NDE1: variants seen among roughly 807,000 people sequenced by gnomAD.
NDE1 encodes the protein nudE neurodevelopment protein 1.
In NDE1, 28 loss-of-function variants were observed where a neutral mutation model predicts 43.4. The observed-to-expected ratio is 0.65, with a 90% CI of 0.48 to 0.89. The LOEUF is 0.89. NDE1 is among the 40% of genes least tolerant of loss of function. The pLI is 0.00. For synonymous variants in NDE1, 184 were observed against 172.0 expected (o/e 1.07, Z -0.55); for missense variants, 441 against 434.1 (o/e 1.02, Z -0.14).
At chr16:15,643,724 C>T (rs1316820232) in exon 1 of NDE1, 1 of 216,624 alleles carries the variant, frequency 4.6e-6, no homozygotes, top group Non-Finnish European at 9.3e-6. Context: ...TACGAGGTCC[C>T]CCGGAGTTCT....
chr16:15,691,731 C>T (rs1343778946), intron 6 of NDE1, among the ~76,000 whole-genome samples: 1 of 150,782 alleles, frequency 6.6e-6, no homozygotes, highest in South Asian at 2.1e-4. Flanking sequence ...ACCTCTTCAT[C>T]GTGGGCTCAA....
At chr16:15,684,954 C>T (rs968762259) in intron 4 of NDE1, among the ~76,000 whole-genome samples, 2 of 152,198 alleles carry the variant, frequency 1.3e-5, no homozygotes, top group Admixed American at 6.6e-5. Flanking sequence ...CAGAGTTCCT[C>T]TGATCATTCT....
At chr16:15,704,062 T>C in intron 8 of NDE1, 1 of 1,614,156 alleles carries the variant, frequency 6.2e-7, no homozygotes. Context: ...CCATCTGCAT[T>C]TTCAATAACT....
At chr16:15,677,321 C>A (rs2037934330) in intron 3 of NDE1, among the ~76,000 whole-genome samples, 1 of 152,018 alleles carries the variant, frequency 6.6e-6, no homozygotes. Context: ...CAGTGGCTCA[C>A]ACCTGTAATC....
rs2039036107 is a variant in NDE1 at position 15,696,810 on chromosome 16, T to C, written c.897T>C (p.Asp299=). The change falls in exon 8 of 9, where the codon GAT becomes GAC. Residue 299 remains aspartate, a synonymous_variant. Transcript: ENST00000396354. ...PASGRSSKNR[D]GGERRPSSTS... is the part of the protein sequence containing the mutation. ...CTGGGCGGAGCAGCAAGAACAGAGATGGCGGGGAGAGACGGCCAAGCAGCA... is the reference window on the plus strand; with the variant it reads ...CTGGGCGGAGCAGCAAGAACAGAGACGGCGGGGAGAGACGGCCAAGCAGCA... The C allele has an allele frequency of 6.2e-7, 1 of 1,614,152 alleles. No individual in the cohort carries two copies. The highest frequency in any genetic ancestry group is 2.2e-5 in the East Asian group (1 of 44,878).
chr16:15,700,118 A>G (rs992400595), intron 8 of NDE1: 1 of 1,113,700 alleles, frequency 9.0e-7, no homozygotes, highest in African/African-American at 1.7e-5. Context: ...TGTTTTTGAG[A>G]TAGAGTCTTG....
chr16:15,697,116 A>T, intron 8 of NDE1: 2 of 956,908 alleles, frequency 2.1e-6, no homozygotes, highest in Non-Finnish European at 2.5e-6. Flanking sequence ...TGGCAGGATC[A>T]TGGCTCACCC....
At position 15,667,307 on chromosome 16, in the gene NDE1, A is replaced by T. The variant is rs764515142; in HGVS notation, c.105A>T (p.Glu35Asp). The change falls in exon 3 of 9, where the codon GAA becomes GAT. Residue 35 changes from glutamate to aspartate, a missense_variant. Physicochemically the swap from Glu to Asp is conservative, Grantham distance 45. Transcript: ENST00000396354. ...GTAGGGCAGAAAATACGCAAGAGGA[A>T]CTCCGAGAATTCCAGGAGGGAAGCC... The part of the protein sequence containing the change: ...YKQRAENTQE[E>D]LREFQEGSRE... 9 of 1,613,970 alleles carry T rather than the reference A, an allele frequency of 5.6e-6. No homozygotes were observed. Among genetic ancestry groups the T allele is most frequent in the East Asian group, 2.2e-5 (1 of 44,886 alleles).
intron 8 of NDE1, among the ~76,000 whole-genome samples, chr16:15,704,758 T>G (rs1319075012): frequency 1.3e-5 from 2 of 152,230 alleles, no homozygotes; most frequent in Non-Finnish European, 2.9e-5. Context: ...GCATCTGTTT[T>G]GCTGATCGTG....
At chr16:15,682,521 A>C (rs958981241) in intron 4 of NDE1, among the ~76,000 whole-genome samples, 2 of 152,212 alleles carry the variant, frequency 1.3e-5, no homozygotes, top group African/African-American at 2.4e-5. Context: ...CCTCAAACGA[A>C]ACTACTCACT....
intron 8 of NDE1, among the ~76,000 whole-genome samples, chr16:15,723,521 C>G (rs549126307): frequency 1.3e-5 from 2 of 152,242 alleles, no homozygotes; most frequent in East Asian, 3.9e-4. Context: ...GTGGTGTGCT[C>G]CTATAATCCC....
chr16:15,676,396 G>C (rs2037882277), intron 3 of NDE1, among the ~76,000 whole-genome samples: 1 of 151,796 alleles, frequency 6.6e-6, no homozygotes, highest in Non-Finnish European at 1.5e-5. Flanking sequence ...ATTTTTAGTA[G>C]AGTCCAGATT....
intron 8 of NDE1, among the ~76,000 whole-genome samples, chr16:15,716,186 G>T (rs1321590561): frequency 6.6e-6 from 1 of 152,098 alleles, no homozygotes. Context: ...ACCTACCTCA[G>T]CCTCCCAAAG....
intron 8 of NDE1, chr16:15,717,691 G>T: frequency 2.6e-6 from 1 of 391,712 alleles, no homozygotes; most frequent in Non-Finnish European, 4.7e-6. Flanking sequence ...AGCTACTTGG[G>T]AGGTTGAAGC....
intron 8 of NDE1, chr16:15,715,247 G>A (rs1426209838): frequency 6.2e-7 from 1 of 1,613,974 alleles, no homozygotes; most frequent in East Asian, 2.2e-5. Flanking sequence ...TTCTGCTTCA[G>A]CGACTTGGTG....
chr16:15,699,882 T>C (rs1465183320), intron 8 of NDE1: 1 of 1,298,252 alleles, frequency 7.7e-7, no homozygotes, highest in Non-Finnish European at 1.0e-6. Flanking sequence ...TTTTGTCGTC[T>C]TTTTACACTA....
intron 8 of NDE1, chr16:15,708,682 T>C: frequency 2.9e-6 from 3 of 1,037,448 alleles, no homozygotes; most frequent in Non-Finnish European, 4.4e-6. Flanking sequence ...CCTCCAGATT[T>C]TGCAAGAATC....
intron 4 of NDE1, among the ~76,000 whole-genome samples, chr16:15,680,678 T>A (rs1438306139): frequency 2.6e-5 from 4 of 152,100 alleles, no homozygotes; most frequent in African/African-American, 7.2e-5. Flanking sequence ...TAGCTGGGAT[T>A]ACAGGCGCCC....
chr16:15,713,246 G>C (rs2039921828), intron 8 of NDE1: 1 of 151,896 alleles, frequency 6.6e-6, no homozygotes, highest in Admixed American at 6.6e-5. Flanking sequence ...GTTCAGCATA[G>C]AAATGGAAAA....
Sources: allele counts gnomAD v4.1 joint callset (sites outside exome capture counted in the v4.1 genomes callset), GRCh38; gene constraint gnomAD v4.1.1; transcripts MANE v1.5; gene names NCBI Gene and HGNC (gene_info 2026-07-23, HGNC 2026-07-21).